NRXN3: variants seen among roughly 807,000 people sequenced by gnomAD.
NRXN3 encodes the protein neurexin III.
A neutral mutation model predicts 137.6 loss-of-function variants in NRXN3; 32 were observed. The observed-to-expected ratio is 0.23, with a 90% CI of 0.18 to 0.31. The LOEUF is 0.31. NRXN3 is among the 10% of genes least tolerant of loss of function. NRXN3 has a pLI of 1.00. For missense variants in NRXN3, 1,574 were observed against 2,062.5 expected (o/e 0.76, Z 4.59); for synonymous variants, 798 against 784.5 (o/e 1.02, Z -0.29).
intron 12 of NRXN3, 105 bp from the exon 13 acceptor site, chr14:78,967,103 T>A (rs892790917): frequency 3.3e-6 from 3 of 900,280 alleles, no homozygotes; most frequent in African/African-American, 3.3e-5. Flanking sequence ...ATTATGCCAG[T>A]TTAGCATGGG....
intron 6 of NRXN3, among the ~76,000 whole-genome samples, chr14:78,654,167 C>T (rs2097768258): frequency 6.6e-6 from 1 of 152,190 alleles, no homozygotes; most frequent in Admixed American, 6.6e-5. Context: ...GGAGATACTT[C>T]TCTTGTTCTT....
chr14:78,821,347 A>G (rs2098950183), intron 10 of NRXN3, among the ~76,000 whole-genome samples: 1 of 152,018 alleles, frequency 6.6e-6, no homozygotes, highest in Admixed American at 6.6e-5. Context: ...TGAAACACAA[A>G]AGCGAGAGAG....
intron 15 of NRXN3, among the ~76,000 whole-genome samples, chr14:79,127,185 T>C (rs191288311): frequency 2.3e-4 from 35 of 152,298 alleles, no homozygotes; most frequent in African/African-American, 8.2e-4. Context: ...TTTAATTAGA[T>C]CCCATTTGTC....
At chr14:78,595,427 A>G (rs544785274) in intron 4 of NRXN3, among the ~76,000 whole-genome samples, 58 of 152,168 alleles carry the variant, frequency 3.8e-4, no homozygotes, top group Non-Finnish European at 4.4e-4. Flanking sequence ...TCCTTTCCCC[A>G]GGCACACAGT....
intron 10 of NRXN3, among the ~76,000 whole-genome samples, chr14:78,820,773 T>C (rs1445882313): frequency 6.6e-6 from 1 of 152,104 alleles, no homozygotes. Flanking sequence ...CCTTCCTAAA[T>C]GGCTGAAAGT....
At chr14:78,627,532 G>A (rs1177269868) in intron 4 of NRXN3, among the ~76,000 whole-genome samples, 2 of 152,178 alleles carry the variant, frequency 1.3e-5, no homozygotes, top group African/African-American at 4.8e-5. Flanking sequence ...GGACGTTGAT[G>A]GAAATGTGAA....
Position 79,719,297 on chromosome 14 carries a change from G to A in NRXN3, c.4014+21360G>A, listed in dbSNP as rs1402355928. ...TGTGTACATATATATGTATGTATGT[G>A]TATATGTATGTGTATGTATACACGC... On this transcript the variant is annotated intron_variant, in intron 19 of 20. Transcript: ENST00000335750. Among the ~76,000 whole-genome samples the A allele has an allele frequency of 6.3e-3, 173 of 27,282 alleles. 1 individual carries two copies. Among genetic ancestry groups the A allele is most frequent in the South Asian group, 0.027 (31 of 1,150 alleles). The allele number at this position is 27,282 out of a possible 152,430, so 17.9% of individuals were successfully genotyped here.
At chr14:79,319,754 G>A (rs2089633384) in intron 15 of NRXN3, among the ~76,000 whole-genome samples, 1 of 152,102 alleles carries the variant, frequency 6.6e-6, no homozygotes, top group Non-Finnish European at 1.5e-5. Context: ...TTATAGTCAT[G>A]GCTTGAGTAA....
At chr14:78,841,301 T>C (rs940786965) in intron 10 of NRXN3, among the ~76,000 whole-genome samples, 1 of 152,084 alleles carries the variant, frequency 6.6e-6, no homozygotes, top group African/African-American at 2.4e-5. Flanking sequence ...ATGATTATTA[T>C]TATTATTGTA....
chr14:79,558,343 TG>T (rs2097452601), intron 16 of NRXN3, among the ~76,000 whole-genome samples: 1 of 152,186 alleles, frequency 6.6e-6, no homozygotes, highest in Non-Finnish European at 1.5e-5. Context: ...GAAGAATCAG[TG>T]TCTATGGCAC....
At chr14:78,784,385 G>A (rs750315054) in intron 8 of NRXN3, among the ~76,000 whole-genome samples, 3 of 152,174 alleles carry the variant, frequency 2.0e-5, no homozygotes, top group Admixed American at 6.5e-5. Context: ...GGACAAGGAG[G>A]CAATAGTAGA....
chr14:78,609,593 C>T (rs2097282405), intron 4 of NRXN3, among the ~76,000 whole-genome samples: 1 of 152,140 alleles, frequency 6.6e-6, no homozygotes, highest in Non-Finnish European at 1.5e-5. Context: ...CTCATACTAG[C>T]TGCATGACCT....
intron 20 of NRXN3, among the ~76,000 whole-genome samples, chr14:79,811,624 C>G (rs1603579099): frequency 6.7e-6 from 1 of 148,362 alleles, no homozygotes; most frequent in African/African-American, 2.5e-5. Flanking sequence ...CTCTGTCGCC[C>G]AGGCTGGAGT....
intron 2 of NRXN3, among the ~76,000 whole-genome samples, chr14:78,270,483 T>A (rs2072541937): frequency 6.6e-6 from 1 of 152,196 alleles, no homozygotes; most frequent in South Asian, 2.1e-4. Flanking sequence ...ATGAGGACTT[T>A]CCCAAGGCCC....
intron 4 of NRXN3, among the ~76,000 whole-genome samples, chr14:78,338,494 A>G (rs1331926100): frequency 2.0e-5 from 3 of 152,208 alleles, no homozygotes; most frequent in Admixed American, 1.3e-4. Flanking sequence ...GTTGTCCCAT[A>G]GCAAGCCACC....
chr14:79,732,947 T>C (rs889898497), intron 19 of NRXN3, among the ~76,000 whole-genome samples: 1 of 152,164 alleles, frequency 6.6e-6, no homozygotes, highest in Non-Finnish European at 1.5e-5. Context: ...GATGTTCAGA[T>C]TTATATTTTG....
intron 4 of NRXN3, among the ~76,000 whole-genome samples, chr14:78,481,881 A>G (rs1198468307): frequency 6.6e-6 from 1 of 152,118 alleles, no homozygotes; most frequent in Non-Finnish European, 1.5e-5. Flanking sequence ...TTTAGGAAAT[A>G]TTTATTTCTT....
chr14:78,796,182 A>G (rs1342666493), intron 8 of NRXN3, among the ~76,000 whole-genome samples: 1 of 152,190 alleles, frequency 6.6e-6, no homozygotes. Context: ...TGGCAGACCA[A>G]TAATAATGCG....
chr14:78,545,662 A>G (rs1048123268), intron 4 of NRXN3, among the ~76,000 whole-genome samples: 5 of 152,234 alleles, frequency 3.3e-5, no homozygotes, highest in African/African-American at 1.2e-4. Context: ...AGTTTAAAAC[A>G]TATTTAGGTA....
Sources: gnomAD v4.1 joint callset for allele counts (sites outside exome capture counted in the v4.1 genomes callset) on GRCh38, gnomAD v4.1.1 for gene constraint, MANE v1.5 for transcripts, NCBI Gene and HGNC (gene_info 2026-07-23, HGNC 2026-07-21) for gene names.